The following KCNIP4 variants were observed in gnomAD, a reference collection of about 807,000 sequenced individuals.
KCNIP4 encodes Kv channel-interacting protein 4.
In KCNIP4, 12 loss-of-function variants were observed where a neutral mutation model predicts 34.0. That is an observed-to-expected ratio of 0.35 (90% CI 0.23 to 0.57). KCNIP4 has a LOEUF of 0.57. Among genes scored for constraint, KCNIP4 ranks in the 20% least tolerant of loss-of-function variants. The pLI is 0.83. For synonymous variants in KCNIP4, 124 were observed against 102.2 expected (o/e 1.21, Z -1.29); for missense variants, 238 against 311.7 (o/e 0.76, Z 1.78).
intron 3 of KCNIP4, among the ~76,000 whole-genome samples, chr4:20,780,447 G>A (rs927216018): frequency 4.6e-5 from 7 of 152,108 alleles, no homozygotes; most frequent in African/African-American, 9.7e-5. Context: ...TAAAGTCAGC[G>A]ATCAAAGTCT....
intron 1 of KCNIP4, among the ~76,000 whole-genome samples, chr4:21,278,481 A>G (rs1762573716): frequency 6.6e-6 from 1 of 152,156 alleles, no homozygotes; most frequent in Non-Finnish European, 1.5e-5. Context: ...TGCTAAGGAT[A>G]ATGGCCTCCA....
chr4:21,173,890 C>A (rs757456382), intron 1 of KCNIP4, among the ~76,000 whole-genome samples: 2 of 152,180 alleles, frequency 1.3e-5, no homozygotes, highest in African/African-American at 2.4e-5. Context: ...CGCCCAGCTG[C>A]GCCCAAGTAG....
intron 1 of KCNIP4, among the ~76,000 whole-genome samples, chr4:21,709,615 T>C (rs1427274955): frequency 6.6e-6 from 1 of 151,972 alleles, no homozygotes. Context: ...TTTTTTAAAG[T>C]TAAGATCATC....
intron 1 of KCNIP4, among the ~76,000 whole-genome samples, chr4:21,074,677 T>C (rs1745313165): frequency 1.3e-5 from 2 of 152,192 alleles, no homozygotes; most frequent in Admixed American, 6.5e-5. Context: ...TGCCTTCTGC[T>C]AGCTTTTGAA....
At chr4:21,231,382 G>T (rs553512376) in intron 1 of KCNIP4, among the ~76,000 whole-genome samples, 16 of 152,064 alleles carry the variant, frequency 1.1e-4, no homozygotes, top group Non-Finnish European at 1.6e-4. Context: ...GTTGTTCCAG[G>T]TTCAGTATAC....
chr4:20,731,456 G>A, intron 8 of KCNIP4: 1 of 985,154 alleles, frequency 1.0e-6, no homozygotes, highest in Non-Finnish European at 1.2e-6. Context: ...TTGATAACAG[G>A]CTACTACCTG....
intron 1 of KCNIP4, among the ~76,000 whole-genome samples, chr4:21,187,131 T>A (rs1343004748): frequency 6.6e-6 from 1 of 152,206 alleles, no homozygotes; most frequent in Non-Finnish European, 1.5e-5. Flanking sequence ...TTTTGTTAAA[T>A]CTCTAATGTA....
At chr4:21,019,417 C>T (rs1438703789) in intron 1 of KCNIP4, among the ~76,000 whole-genome samples, 1 of 152,170 alleles carries the variant, frequency 6.6e-6, no homozygotes. Context: ...CTCTGCCTCG[C>T]AAAGTGCTGG....
chr4:21,212,298 T>C (rs946580109), intron 1 of KCNIP4, among the ~76,000 whole-genome samples: 1 of 152,210 alleles, frequency 6.6e-6, no homozygotes, highest in Non-Finnish European at 1.5e-5. Context: ...CACAACAATT[T>C]CCTAGAGCTG....
chr4:20,939,182 T>C (rs1254677159), intron 1 of KCNIP4, among the ~76,000 whole-genome samples: 1 of 152,106 alleles, frequency 6.6e-6, no homozygotes, highest in Non-Finnish European at 1.5e-5. Context: ...AATGTAGATT[T>C]GATTCATTAT....
chr4:21,709,481 G>A lies in KCNIP4; in HGVS notation c.61+239090C>T, dbSNP rs73256530. On this transcript the variant is annotated intron_variant, in intron 1 of 8. Transcript: ENST00000382152. Reference sequence around the variant, plus strand: ...AGGAGACAGAGGTGCCCTACAGGCTGTTGTCACATTGTCTCAGTTATAAAT... The same window carrying A: ...AGGAGACAGAGGTGCCCTACAGGCTATTGTCACATTGTCTCAGTTATAAAT... Among the ~76,000 whole-genome samples the A allele has an allele frequency of 4.7e-3, 710 of 152,246 alleles. 2 individuals are homozygous for A. The highest frequency in any genetic ancestry group is 7.1e-3 in the Non-Finnish European group (484 of 68,020).
In KCNIP4 at chr4:21,771,723, C is replaced by T. The variant is rs984379647; in HGVS notation, c.61+176848G>A. 1.1e-4 allele frequency among the ~76,000 whole-genome samples: 17 copies of T among 152,078 alleles called. 1 individual carries two copies. Among genetic ancestry groups the T allele is most frequent in the Admixed American group, 7.2e-4 (11 of 15,266 alleles). On this transcript the variant is annotated intron_variant, in intron 1 of 8. Transcript: ENST00000382152. ...GGGAGTTCATTCATGATTTAGCTCT[C>T]GGCTTGCCTATTGTTGGTGTAAAGG...
chr4:21,524,535 T>G (rs888872960), intron 1 of KCNIP4, among the ~76,000 whole-genome samples: 1 of 152,162 alleles, frequency 6.6e-6, no homozygotes, highest in African/African-American at 2.4e-5. Flanking sequence ...TCCAGTTCTT[T>G]TTCATTTTTG....
intron 1 of KCNIP4, among the ~76,000 whole-genome samples, chr4:21,182,558 A>G (rs953481396): frequency 2.0e-5 from 3 of 151,936 alleles, no homozygotes; most frequent in African/African-American, 7.2e-5. Context: ...CCATGTAACC[A>G]TCACATGAAT....
chr4:21,423,101 A>G (rs1725623824), intron 1 of KCNIP4, among the ~76,000 whole-genome samples: 1 of 152,188 alleles, frequency 6.6e-6, no homozygotes, highest in Admixed American at 6.5e-5. Context: ...TTGGAAGTCA[A>G]GAGATAGCAC....
chr4:21,046,819 G>A (rs893277966), intron 1 of KCNIP4, among the ~76,000 whole-genome samples: 5 of 152,214 alleles, frequency 3.3e-5, no homozygotes, highest in East Asian at 3.9e-4. Context: ...TCGAACTTCC[G>A]ACTTCAGGTA....
chr4:21,605,461 A>T (rs1743567446), intron 1 of KCNIP4, among the ~76,000 whole-genome samples: 1 of 152,036 alleles, frequency 6.6e-6, no homozygotes, highest in East Asian at 1.9e-4. Context: ...AATCTCAAAC[A>T]TTCTATTTTT....
intron 1 of KCNIP4, among the ~76,000 whole-genome samples, chr4:21,560,803 T>C (rs924587066): frequency 3.3e-5 from 5 of 152,060 alleles, no homozygotes; most frequent in East Asian, 1.9e-4. Context: ...TCAAATAAGA[T>C]AGCAAACTTT....
chr4:21,189,416 T>A (rs1560794077), intron 1 of KCNIP4, among the ~76,000 whole-genome samples: 1 of 152,230 alleles, frequency 6.6e-6, no homozygotes, highest in Non-Finnish European at 1.5e-5. Flanking sequence ...GGCATTTGTA[T>A]CTCTGTTTAA....
Sources: gnomAD v4.1 joint callset for allele counts (sites outside exome capture counted in the v4.1 genomes callset) on GRCh38, gnomAD v4.1.1 for gene constraint, MANE v1.5 for transcripts, NCBI Gene and HGNC (gene_info 2026-07-23, HGNC 2026-07-21) for gene names.